The following MTTP variants were observed in gnomAD, a reference collection of about 807,000 sequenced individuals.
The protein encoded by MTTP is microsomal triglyceride transfer protein.
In MTTP, 49 loss-of-function variants were observed where a neutral mutation model predicts 90.6. The ratio of observed to expected loss-of-function variants is 0.54; its 90% CI spans 0.43 to 0.69. The LOEUF (loss-of-function observed/expected upper bound fraction) is 0.69, where lower values mean the gene tolerates loss of function less well. MTTP is among the 30% of genes least tolerant of loss of function. The pLI is 0.00. For missense variants in MTTP, 945 were observed against 1,067.5 expected (o/e 0.89, Z 1.60); for synonymous variants, 347 against 384.2 (o/e 0.90, Z 1.13).
chr4:99,575,084 C>A, intron 1 of MTTP, 114 bp downstream of exon 1: 4 of 1,223,256 alleles, frequency 3.3e-6, no homozygotes, highest in Non-Finnish European at 3.6e-6. Flanking sequence ...TCTGACTAAA[C>A]TATCTTCAAA....
intron 1 of MTTP, among the ~76,000 whole-genome samples, chr4:99,577,441 G>A (rs11930665): frequency 0.59 from 89,486 of 151,194 alleles, 29,692 homozygotes; most frequent in African/African-American, 0.88. Flanking sequence ...CCCCATCTCT[G>A]CTAAAAACAC....
At chr4:99,604,303 A>G (rs1031270399) in intron 10 of MTTP, among the ~76,000 whole-genome samples, 1 of 152,192 alleles carries the variant, frequency 6.6e-6, no homozygotes, top group Non-Finnish European at 1.5e-5. Context: ...CAGTCCTGTG[A>G]CAGTCTGAAT....
chr4:99,623,768 G>C lies in MTTP; in HGVS notation c.*920G>C, dbSNP rs191412828. 1 of 152,174 alleles carries C rather than the reference G, an allele frequency of 6.6e-6. No individual in the cohort carries two copies. Among genetic ancestry groups the C allele is most frequent in the East Asian group, 1.9e-4 (1 of 5,186 alleles). The allele number at this position is 152,174 out of a possible 1,614,324, so 9.4% of individuals were successfully genotyped here. The stretch of plus-strand genomic sequence containing the variant: ...TTGCTTCAAGAAACTGGTGGATTTG[G>C]ATTTCCAAAATATGAAATAAGGAAA... On this transcript the variant is annotated 3_prime_UTR_variant, in exon 18 of 18. Transcript: ENST00000265517.
At chr4:99,614,545 T>C (rs990125353) in intron 15 of MTTP, among the ~76,000 whole-genome samples, 2 of 152,224 alleles carry the variant, frequency 1.3e-5, no homozygotes, top group Admixed American at 6.5e-5. Context: ...AACAAACATT[T>C]GGAAGTAGGT....
intron 10 of MTTP, among the ~76,000 whole-genome samples, chr4:99,603,279 T>C (rs1014116219): frequency 1.3e-5 from 2 of 152,248 alleles, no homozygotes; most frequent in Admixed American, 6.6e-5. Flanking sequence ...GTGAGCCAGA[T>C]CTTCATTAAT....
rs1474805047 is a variant in MTTP at position 99,591,876 on chromosome 4, G to A, written c.758+86G>A. 5.0e-6 allele frequency: 6 copies of A among 1,194,794 alleles called. No homozygotes were observed. The African/African-American group carries it at 6.2e-5, about 12-fold the overall frequency. 74.0% of individuals were successfully genotyped at this position (1,194,794 alleles called of 1,614,324 possible). A position where few individuals can be genotyped will look rare whatever the true frequency, so the allele number is the denominator to read the frequency against. ...TTTGTAAATAGATCTGTGTTTGTGT[G>A]TGTGTGTGTGTGCGCGTGTAGTCAT... On this transcript the variant is annotated intron_variant, in intron 6 of 17. Transcript: ENST00000265517.
At chr4:99,573,535 A>G (rs1724884829), upstream of MTTP, among the ~76,000 whole-genome samples, 1 of 152,182 alleles carries the variant, frequency 6.6e-6, no homozygotes, top group Non-Finnish European at 1.5e-5. Context: ...GTGACAGCAA[A>G]TGAAATTCTA....
intron 8 of MTTP, among the ~76,000 whole-genome samples, chr4:99,599,322 T>C (rs1725641009): frequency 6.6e-6 from 1 of 152,184 alleles, no homozygotes; most frequent in Non-Finnish European, 1.5e-5. Context: ...AGTGTTAACA[T>C]GGAAAACACT....
At chr4:99,611,064 G>T in intron 12 of MTTP, 79 bp from the exon 13 acceptor site, 1 of 1,479,092 alleles carries the variant, frequency 6.8e-7, no homozygotes, top group Non-Finnish European at 9.4e-7. Flanking sequence ...TTCCACTGAG[G>T]ATTTTTTTTT....
chr4:99,574,849 G>A lies in MTTP; in HGVS notation c.-61G>A. On this transcript the variant is annotated 5_prime_UTR_variant, in exon 1 of 18. Transcript: ENST00000265517. ...ACTCCCTCACTGGCTGCCATTGAAAGAGTCCACTTCTCAGTGACTCCTAGC... is the reference window on the plus strand; with the variant it reads ...ACTCCCTCACTGGCTGCCATTGAAAAAGTCCACTTCTCAGTGACTCCTAGC... 1 of 1,613,960 alleles carries A rather than the reference G, an allele frequency of 6.2e-7. No individual in the cohort carries two copies. Among genetic ancestry groups the A allele is most frequent in the Non-Finnish European group, 8.5e-7 (1 of 1,179,904 alleles).
Position 99,601,480 on chromosome 4 carries a change from A to G in MTTP, c.1237-127A>G, listed in dbSNP as rs1725695751. 9.3e-6 allele frequency: 7 copies of G among 751,002 alleles called. No homozygotes were observed. The Admixed American group carries it at 1.1e-4, about 11-fold the overall frequency. 46.5% of individuals were successfully genotyped at this position (751,002 alleles called of 1,614,324 possible). A position where few individuals can be genotyped will look rare whatever the true frequency, so the allele number is the denominator to read the frequency against. ...AATGTGTAAGTGTCTCAAAAGCAAA[A>G]TTCTGAGTTTGCAATCTAGAAACAT... On this transcript the variant is annotated intron_variant, in intron 9 of 17. Transcript: ENST00000265517.
chr4:99,617,716 G>GA (rs1000524433), intron 15 of MTTP, among the ~76,000 whole-genome samples: 8 of 150,262 alleles, frequency 5.3e-5, no homozygotes, highest in East Asian at 1.9e-4. Flanking sequence ...TAATGTACAT[G>GA]AAAAAAAAAT....
chr4:99,607,754 T>C (rs1351304708), intron 11 of MTTP, among the ~76,000 whole-genome samples: 2 of 152,214 alleles, frequency 1.3e-5, no homozygotes, highest in East Asian at 3.8e-4. Flanking sequence ...ATGCTAATGT[T>C]TTGTTTAGAA....
intron 3 of MTTP, among the ~76,000 whole-genome samples, chr4:99,587,840 A>T (rs1161509150): frequency 6.6e-6 from 1 of 152,140 alleles, no homozygotes; most frequent in Non-Finnish European, 1.5e-5. Context: ...TTACACTGTG[A>T]TTATTAGAGG....
At chr4:99,621,541 A>T in intron 17 of MTTP, among the ~76,000 whole-genome samples, 1 of 152,218 alleles carries the variant, frequency 6.6e-6, no homozygotes, top group Non-Finnish European at 1.5e-5. Flanking sequence ...AGTTTCATAA[A>T]AAAAATCAGA....
At chr4:99,602,517 G>A (rs796892006) in intron 10 of MTTP, among the ~76,000 whole-genome samples, 113 of 151,958 alleles carry the variant, frequency 7.4e-4, no homozygotes, top group African/African-American at 2.6e-3. Flanking sequence ...TGCTTACTAA[G>A]TGCTTGCTAT....
Position 99,574,852 on chromosome 4 carries a change from TCCA to T in MTTP, c.-56_-54del, listed in dbSNP as rs1247824282. 6.2e-7 allele frequency: 1 copy of T among 1,613,926 alleles called. No individual in the cohort carries two copies. The stretch of plus-strand genomic sequence containing the variant: ...CCCTCACTGGCTGCCATTGAAAGAG[TCCA>T]CTTCTCAGTGACTCCTAGCTGGGCA... On this transcript the variant is annotated 5_prime_UTR_variant, in exon 1 of 18. Transcript: ENST00000265517.
chr4:99,575,360 C>A (rs1724931518), intron 1 of MTTP, among the ~76,000 whole-genome samples: 1 of 152,036 alleles, frequency 6.6e-6, no homozygotes. Context: ...AAACCGAGTT[C>A]TTAAATTTTC....
At position 99,587,360 on chromosome 4, in the gene MTTP, G is replaced by A. The variant is rs375693904; in HGVS notation, c.394-2283G>A. On this transcript the variant is annotated intron_variant, in intron 3 of 17. Transcript: ENST00000265517. Reference sequence around the variant, plus strand: ...GGGAAGCAATAAAAACTAATAGAAAGGATTAAAAAAACTTTTTTCATTGTG... The same window carrying A: ...GGGAAGCAATAAAAACTAATAGAAAAGATTAAAAAAACTTTTTTCATTGTG... 4.6e-5 allele frequency among the ~76,000 whole-genome samples: 7 copies of A among 151,950 alleles called. No homozygotes were observed. In the East Asian group the frequency reaches 1.4e-3, roughly 29 times the overall value.
Sources: gnomAD v4.1 joint callset for allele counts (sites outside exome capture counted in the v4.1 genomes callset) on GRCh38, gnomAD v4.1.1 for gene constraint, MANE v1.5 for transcripts, NCBI Gene and HGNC (gene_info 2026-07-23, HGNC 2026-07-21) for gene names.